RIT2: variants seen among roughly 807,000 people sequenced by gnomAD.
The protein encoded by RIT2 is GTP-binding protein Rit2.
In RIT2, 24 loss-of-function variants were observed where a neutral mutation model predicts 23.7. That is an observed-to-expected ratio of 1.01 (90% CI 0.73 to 1.43). The LOEUF (loss-of-function observed/expected upper bound fraction) is 1.43, where lower values mean the gene tolerates loss of function less well. Ranked by LOEUF, RIT2 falls within the 40% of genes most tolerant of loss-of-function variation. The probability of loss-of-function intolerance (pLI) is 0.00; values close to 1 mark genes in which losing one functional copy is unlikely to be tolerated. For missense variants in RIT2, 236 were observed against 266.9 expected, an observed-to-expected ratio of 0.88 and a Z score of 0.81; for synonymous variants, 107 against 91.1, an observed-to-expected ratio of 1.17 and a Z score of -0.99.
At chr18:43,070,664 G>A (rs1322155540) in intron 1 of RIT2, among the ~76,000 whole-genome samples, 4 of 152,142 alleles carry the variant, frequency 2.6e-5, no homozygotes, top group Non-Finnish European at 4.4e-5. Flanking sequence ...TGATTTGCCT[G>A]TTTACCACAG....
chr18:42,873,283 A>ATTC (rs1169303476), intron 4 of RIT2, among the ~76,000 whole-genome samples: 3 of 152,322 alleles, frequency 2.0e-5, no homozygotes, highest in African/African-American at 7.2e-5. Flanking sequence ...AATGAGACTT[A>ATTC]AAGTTCCCTA....
chr18:42,886,877 A>C (rs1019478272), intron 4 of RIT2, among the ~76,000 whole-genome samples: 6 of 152,138 alleles, frequency 3.9e-5, no homozygotes, highest in African/African-American at 1.4e-4. Context: ...AACTCATAAC[A>C]GAGTTCTAAT....
chr18:43,009,354 A>T (rs1447168446), intron 2 of RIT2, among the ~76,000 whole-genome samples: 1 of 151,738 alleles, frequency 6.6e-6, no homozygotes, highest in Non-Finnish European at 1.5e-5. Context: ...ATCATTTAAA[A>T]TAAAATGACC....
At chr18:42,815,624 A>T (rs1323923773) in intron 4 of RIT2, among the ~76,000 whole-genome samples, 1 of 152,190 alleles carries the variant, frequency 6.6e-6, no homozygotes, top group Admixed American at 6.6e-5. Context: ...ATGTTCAAAG[A>T]GTGGAGAAGA....
chr18:42,892,045 A>G (rs1568023102), intron 4 of RIT2, among the ~76,000 whole-genome samples: 1 of 151,924 alleles, frequency 6.6e-6, no homozygotes, highest in Non-Finnish European at 1.5e-5. Context: ...TATAAACCTA[A>G]GAAAAAAAAA....
chr18:43,011,366 G>C (rs1424966514), intron 2 of RIT2, among the ~76,000 whole-genome samples: 1 of 151,772 alleles, frequency 6.6e-6, no homozygotes, highest in Non-Finnish European at 1.5e-5. Flanking sequence ...GGAAGCAAAG[G>C]AGAGAGATGT....
chr18:42,924,572 A>G (rs9962420), intron 3 of RIT2, among the ~76,000 whole-genome samples: 2,722 of 152,170 alleles, frequency 0.018, 109 homozygotes, highest in African/African-American at 0.062. Flanking sequence ...TAAAATGACA[A>G]TGGCTAATTA....
intron 4 of RIT2, among the ~76,000 whole-genome samples, chr18:42,814,117 T>C (rs2143981293): frequency 6.6e-6 from 1 of 152,182 alleles, no homozygotes; most frequent in East Asian, 1.9e-4. Context: ...CTTACAGGGG[T>C]CCTTCGGGAG....
intron 4 of RIT2, among the ~76,000 whole-genome samples, chr18:42,785,684 A>T (rs115382685): frequency 0.015 from 2,270 of 152,216 alleles, 63 homozygotes; most frequent in African/African-American, 0.053. Context: ...TGTGTCAGCA[A>T]TCTCACTTAT....
chr18:42,870,577 CT>C (rs2144062660), intron 4 of RIT2, among the ~76,000 whole-genome samples: 1 of 152,204 alleles, frequency 6.6e-6, no homozygotes, highest in East Asian at 1.9e-4. Flanking sequence ...AAACAACATT[CT>C]CAAAAGGTAT....
intron 1 of RIT2, among the ~76,000 whole-genome samples, chr18:43,041,248 G>T (rs778585799): frequency 6.6e-5 from 10 of 152,132 alleles, no homozygotes; most frequent in Non-Finnish European, 1.3e-4. Flanking sequence ...GAGTAGAGAA[G>T]ACATTGGGTC....
chr18:42,921,164 T>C (rs1193491340), intron 4 of RIT2, among the ~76,000 whole-genome samples: 1 of 152,122 alleles, frequency 6.6e-6, no homozygotes, highest in Non-Finnish European at 1.5e-5. Context: ...TGAATTGAAA[T>C]CATTTTGCTC....
intron 1 of RIT2, among the ~76,000 whole-genome samples, chr18:43,076,959 C>T (rs945536675): frequency 6.6e-6 from 1 of 150,810 alleles, no homozygotes; most frequent in Non-Finnish European, 1.5e-5. Context: ...AAAAATTAGC[C>T]GGCCGTAGTG....
chr18:43,094,110 G>A (rs938105226), intron 1 of RIT2, among the ~76,000 whole-genome samples: 6 of 131,270 alleles, frequency 4.6e-5, no homozygotes, highest in African/African-American at 1.6e-4. Flanking sequence ...ATTGGTATTA[G>A]TGGGTTTTTT....
intron 3 of RIT2, among the ~76,000 whole-genome samples, chr18:42,964,165 T>C (rs1266544795): frequency 6.6e-6 from 1 of 152,060 alleles, no homozygotes; most frequent in Non-Finnish European, 1.5e-5. Flanking sequence ...CACTCCAGCC[T>C]GGGCGAAAGG....
At chr18:42,936,684 G>A (rs766160932) in intron 3 of RIT2, among the ~76,000 whole-genome samples, 11 of 151,894 alleles carry the variant, frequency 7.2e-5, no homozygotes, top group African/African-American at 1.2e-4. Context: ...TCTTTACTCC[G>A]CCTTCATATC....
intron 4 of RIT2, among the ~76,000 whole-genome samples, chr18:42,752,789 AT>A (rs1913076351): frequency 6.6e-6 from 1 of 152,152 alleles, no homozygotes; most frequent in African/African-American, 2.4e-5. Context: ...CAGGGAGATT[AT>A]TTTAGGGGTA....
chr18:43,055,681 G>T (rs1384764070), intron 1 of RIT2, among the ~76,000 whole-genome samples: 1 of 152,022 alleles, frequency 6.6e-6, no homozygotes, highest in African/African-American at 2.4e-5. Context: ...ATAACACAAA[G>T]ATAAAATCCA....
At chr18:42,969,861 C>T (rs926280912) in intron 3 of RIT2, among the ~76,000 whole-genome samples, 7 of 151,778 alleles carry the variant, frequency 4.6e-5, no homozygotes, top group African/African-American at 1.5e-4. Flanking sequence ...TCAAAGATAA[C>T]CCAGTATCAA....
Sources: allele counts gnomAD v4.1 joint callset (sites outside exome capture counted in the v4.1 genomes callset), GRCh38; gene constraint gnomAD v4.1.1; transcripts MANE v1.5; gene names NCBI Gene and HGNC (gene_info 2026-07-23, HGNC 2026-07-21).